Variants in PTCD3 observed in about 807,000 individuals in gnomAD.
PTCD3 encodes the protein small ribosomal subunit protein mS39.
PTCD3 carries 89 observed loss-of-function variants against 101.9 expected under a neutral mutation model. The ratio of observed to expected loss-of-function variants is 0.87; its 90% CI spans 0.74 to 1.04. The LOEUF (loss-of-function observed/expected upper bound fraction) is 1.04, where lower values mean the gene tolerates loss of function less well. Among genes scored for constraint, PTCD3 ranks in the 50% least tolerant of loss-of-function variants. The pLI, the probability that PTCD3 is intolerant of heterozygous loss-of-function variation, is 0.00. For missense variants in PTCD3, 870 were observed against 828.2 expected (o/e 1.05, Z -0.62); for synonymous variants, 296 against 278.5 (o/e 1.06, Z -0.63).
At chr2:86,117,244 T>C (rs2059353) in intron 6 of PTCD3, 85 bp downstream of exon 6, 531,039 of 584,790 alleles carry the variant, frequency 0.91, 241,758 homozygotes, top group East Asian at 0.99. Context: ...TTTCAGTAGC[T>C]ATTTGAATAC....
At chr2:86,132,288 G>T in intron 16 of PTCD3, 30 bp from the exon 17 acceptor site, 1 of 1,364,534 alleles carries the variant, frequency 7.3e-7, no homozygotes, top group South Asian at 1.2e-5. Context: ...CAGGGTATCA[G>T]AGTGATACTT....
intron 13 of PTCD3, 81 bp downstream of exon 13, chr2:86,127,386 A>T (rs1227500717): frequency 7.0e-7 from 1 of 1,438,554 alleles, no homozygotes; most frequent in Non-Finnish European, 9.4e-7. Context: ...AAAGAGCTTT[A>T]AATTATTCTT....
rs775561228 is a variant in PTCD3 at position 86,108,484 on chromosome 2, T to G, written c.158-16T>G. On this transcript the variant is annotated splice_polypyrimidine_tract_variant and intron_variant, in intron 2 of 23. Coordinates refer to ENST00000254630, the MANE Select transcript of PTCD3 (RefSeq NM_017952.6). The stretch of plus-strand genomic sequence containing the variant: ...TAGTACTAGGAAACTGATTCATGTT[T>G]TCTTTTTTACATTAGGGATTGAAGA... 1 of 1,590,484 alleles carries G rather than the reference T, an allele frequency of 6.3e-7. No individual in the cohort carries two copies. The highest frequency in any genetic ancestry group is 8.5e-7 in the Non-Finnish European group (1 of 1,173,404).
chr2:86,120,287 C>T (rs1674258361), intron 7 of PTCD3, among the ~76,000 whole-genome samples: 1 of 152,098 alleles, frequency 6.6e-6, no homozygotes, highest in Non-Finnish European at 1.5e-5. Flanking sequence ...GTGTCAGACC[C>T]ATAGCTCAGT....
At chr2:86,116,963 T>G in intron 5 of PTCD3, 92 bp from the exon 6 acceptor site, 1 of 655,022 alleles carries the variant, frequency 1.5e-6, no homozygotes, top group Non-Finnish European at 2.8e-6. Flanking sequence ...ATTTGTTTTT[T>G]TTTGTGAGGG....
At chr2:86,127,845 A>G (rs1336471703) in intron 13 of PTCD3, 96 bp from the exon 14 acceptor site, 7 of 987,738 alleles carry the variant, frequency 7.1e-6, no homozygotes, top group African/African-American at 4.8e-5. Flanking sequence ...AATATTAACA[A>G]TATGTTTTTA....
intron 3 of PTCD3, 58 bp downstream of exon 3, chr2:86,108,594 T>C: frequency 6.7e-7 from 1 of 1,496,422 alleles, no homozygotes. Context: ...ATGAGAGAAG[T>C]GTAAGGGTTA....
intron 19 of PTCD3, among the ~76,000 whole-genome samples, chr2:86,133,697 C>G (rs1376541116): frequency 6.6e-6 from 1 of 152,094 alleles, no homozygotes; most frequent in Admixed American, 6.5e-5. Flanking sequence ...GGATATGACC[C>G]AAAGAAAATA....
At position 86,127,927 on chromosome 2, in the gene PTCD3, C is replaced by T. The variant is rs1674424839; in HGVS notation, c.1097-14C>T. 1 of 1,600,882 alleles carries T rather than the reference C, an allele frequency of 6.2e-7. No homozygotes were observed. Among genetic ancestry groups the T allele is most frequent in the Admixed American group, 1.7e-5 (1 of 59,966 alleles). On this transcript the variant is annotated splice_polypyrimidine_tract_variant and intron_variant, in intron 13 of 23. Coordinates refer to ENST00000254630, the MANE Select transcript of PTCD3 (RefSeq NM_017952.6). ...CCTCATTGTTTATTTTTTCTGTCTA[C>T]CTGGTAATTTGAGAACCCTCGCTTG...
At chr2:86,120,238 T>C (rs1381664971) in intron 7 of PTCD3, among the ~76,000 whole-genome samples, 2 of 152,126 alleles carry the variant, frequency 1.3e-5, no homozygotes, top group Non-Finnish European at 2.9e-5. Context: ...TTTTACCCCC[T>C]TTATTGGATA....
chr2:86,134,424 T>G, intron 20 of PTCD3, 47 bp downstream of exon 20: 3 of 1,473,728 alleles, frequency 2.0e-6, no homozygotes, highest in Non-Finnish European at 2.8e-6. Context: ...TACTGAGGTC[T>G]TCTTAAGGCT....
chr2:86,128,316 G>T (rs1573856196), intron 14 of PTCD3, among the ~76,000 whole-genome samples: 1 of 151,160 alleles, frequency 6.6e-6, no homozygotes, highest in African/African-American at 2.4e-5. Context: ...ATTCTTGAGG[G>T]TAGCAATCTT....
chr2:86,138,338 C>T lies in PTCD3; in HGVS notation c.*779C>T, dbSNP rs1674629847. ...CTGGTAATCAAGTTGGTAACGACTA[C>T]TTCTAGCAGCTCTTACCACTATGAC... On this transcript the variant is annotated 3_prime_UTR_variant, in exon 24 of 24. Coordinates refer to ENST00000254630, the MANE Select transcript of PTCD3 (RefSeq NM_017952.6). 1 of 152,186 alleles carries T rather than the reference C, an allele frequency of 6.6e-6. No homozygotes were observed. Among genetic ancestry groups the T allele is most frequent in the Non-Finnish European group, 1.5e-5 (1 of 68,050 alleles). 9.4% of individuals were successfully genotyped at this position (152,186 alleles called of 1,614,324 possible).
At chr2:86,133,949 G>T (rs1356966727) in intron 19 of PTCD3, among the ~76,000 whole-genome samples, 5 of 152,234 alleles carry the variant, frequency 3.3e-5, no homozygotes, top group Non-Finnish European at 5.9e-5. Context: ...CATAAAGTCA[G>T]TAGGCTCTAG....
At chr2:86,124,486 G>A (rs570590977) in intron 9 of PTCD3, among the ~76,000 whole-genome samples, 5 of 152,322 alleles carry the variant, frequency 3.3e-5, no homozygotes, top group African/African-American at 9.6e-5. Context: ...TTAGCTAGGC[G>A]TGGTGGCACG....
intron 4 of PTCD3, among the ~76,000 whole-genome samples, chr2:86,113,306 T>G (rs972270498): frequency 6.6e-6 from 1 of 152,232 alleles, no homozygotes; most frequent in African/African-American, 2.4e-5. Flanking sequence ...ACTGAAACTT[T>G]GGTAAATGCA....
chr2:86,117,492 G>A (rs531979741), intron 6 of PTCD3, among the ~76,000 whole-genome samples: 1 of 150,194 alleles, frequency 6.7e-6, no homozygotes, highest in Non-Finnish European at 1.5e-5. Flanking sequence ...CTGTCACCCA[G>A]GCTGGAGTGC....
chr2:86,135,145 C>T (rs75830076), intron 21 of PTCD3, 158 bp downstream of exon 21: 1 of 706,992 alleles, frequency 1.4e-6, no homozygotes, highest in Non-Finnish European at 2.3e-6. Flanking sequence ...TGGAAGAAGA[C>T]AGTATGCATG....
intron 16 of PTCD3, among the ~76,000 whole-genome samples, chr2:86,131,904 G>C (rs1398510910): frequency 6.6e-6 from 1 of 152,048 alleles, no homozygotes; most frequent in African/African-American, 2.4e-5. Context: ...TTTACTCTGG[G>C]TACTCAAGCG....
Sources: gnomAD v4.1 joint callset for allele counts (sites outside exome capture counted in the v4.1 genomes callset) on GRCh38, gnomAD v4.1.1 for gene constraint, MANE v1.5 for transcripts, NCBI Gene and HGNC (gene_info 2026-07-23, HGNC 2026-07-21) for gene names.